DYNC2H1: variants seen among roughly 807,000 people sequenced by gnomAD.
The protein encoded by DYNC2H1 is dynein cytoplasmic 2 heavy chain 1.
In DYNC2H1, 410 loss-of-function variants were observed where a neutral mutation model predicts 570.0. The observed-to-expected ratio is 0.72, with a 90% confidence interval of 0.66 to 0.78. The LOEUF (loss-of-function observed/expected upper bound fraction) is 0.78. DYNC2H1 is among the 30% of genes least tolerant of loss of function. The probability of loss-of-function intolerance (pLI) is 0.00; values close to 1 mark genes in which losing one functional copy is unlikely to be tolerated. For synonymous variants in DYNC2H1, 1,688 were observed against 1,677.6 expected (o/e 1.01, Z -0.15); for missense variants, 4,865 against 5,046.4 (o/e 0.96, Z 1.09).
intron 70 of DYNC2H1, 148 bp downstream of exon 70, chr11:103,260,125 C>A: frequency 2.0e-6 from 1 of 510,200 alleles, no homozygotes; most frequent in Non-Finnish European, 3.3e-6. Flanking sequence ...AACTGGAATG[C>A]CTTATAGCAT....
Position 103,176,221 on chromosome 11 carries a change from A to C in DYNC2H1, c.5675-14A>C, listed in dbSNP as rs1861801567. 1 of 1,460,890 alleles carries C rather than the reference A, an allele frequency of 6.8e-7. No individual in the cohort carries two copies. Among genetic ancestry groups the C allele is most frequent in the African/African-American group, 1.5e-5 (1 of 67,790 alleles). 90.5% of individuals were successfully genotyped at this position (1,460,890 alleles called of 1,614,324 possible). Reference sequence around the variant, plus strand: ...AGTAATAATAAATAATTTTAAAATGAAACTTTTTTCTAGCTAATGAAAGTC... The same window carrying C: ...AGTAATAATAAATAATTTTAAAATGCAACTTTTTTCTAGCTAATGAAAGTC... On this transcript the variant is annotated splice_polypyrimidine_tract_variant and intron_variant, in intron 36 of 88. Transcript: ENST00000375735.
chr11:103,159,158 A>G (rs1860972439), intron 28 of DYNC2H1, 131 bp downstream of exon 28: 2 of 639,884 alleles, frequency 3.1e-6, no homozygotes, highest in Admixed American at 3.2e-5. Context: ...CCTGTACCCA[A>G]AGAATGTACA....
At chr11:103,139,023 G>T (rs1859740663) in intron 17 of DYNC2H1, among the ~76,000 whole-genome samples, 1 of 151,082 alleles carries the variant, frequency 6.6e-6, no homozygotes, top group Non-Finnish European at 1.5e-5. Context: ...AGTATTCTCT[G>T]ATGGTAGTTT....
intron 83 of DYNC2H1, among the ~76,000 whole-genome samples, chr11:103,379,875 A>G (rs561848861): frequency 1.3e-5 from 2 of 152,188 alleles, no homozygotes; most frequent in South Asian, 4.1e-4. Context: ...TAGTACCAAT[A>G]TATTACTTAA....
At chr11:103,269,025 A>G (rs549584704) in intron 70 of DYNC2H1, among the ~76,000 whole-genome samples, 6 of 152,262 alleles carry the variant, frequency 3.9e-5, no homozygotes, top group South Asian at 4.1e-4. Context: ...AAAAATGCAT[A>G]TATTAGGCAA....
intron 83 of DYNC2H1, among the ~76,000 whole-genome samples, chr11:103,381,427 TC>T (rs1397521194): frequency 6.6e-6 from 1 of 151,330 alleles, no homozygotes; most frequent in Non-Finnish European, 1.5e-5. Flanking sequence ...ATATTCAATA[TC>T]TTTTATTTAT....
At chr11:103,218,641 T>C (rs915593941) in intron 55 of DYNC2H1, among the ~76,000 whole-genome samples, 10 of 152,210 alleles carry the variant, frequency 6.6e-5, no homozygotes, top group African/African-American at 2.4e-4. Context: ...ACCATGTGTT[T>C]ATAAAGGAAA....
At position 103,390,385 on chromosome 11, in the gene DYNC2H1, A is replaced by G. The variant is rs568862168; in HGVS notation, c.12157-9278A>G. ...CTCCATCCCTTTATTTTGAGTCTAT[A>G]TGTGTCTCTGCACATGAGATGGGTT... On this transcript the variant is annotated intron_variant, in intron 83 of 88. Transcript: ENST00000375735. Among the ~76,000 whole-genome samples the G allele has an allele frequency of 2.0e-3, 301 of 150,524 alleles. 1 individual carries two copies. Among genetic ancestry groups the G allele is most frequent in the Middle Eastern group, 6.8e-3 (2 of 294 alleles).
chr11:103,358,394 T>C, intron 83 of DYNC2H1, 35 bp downstream of exon 83: 1 of 1,398,994 alleles, frequency 7.1e-7, no homozygotes, highest in Non-Finnish European at 9.9e-7. Flanking sequence ...TTCTTTTGCT[T>C]TTTCTCCCGC....
In DYNC2H1 at chr11:103,154,835, A is replaced by G. The variant is rs190084640; in HGVS notation, c.3573+26A>G. ...GTAAGATTGTTTTATTATTTTGCCA[A>G]TTAAAAACAATGTTTGGAGCTTTCA... On this transcript the variant is annotated intron_variant, in intron 24 of 88. Coordinates refer to ENST00000375735, the MANE Select transcript of DYNC2H1 (RefSeq NM_001377.3). The G allele has an allele frequency of 1.2e-3, 1,861 of 1,492,398 alleles. 3 individuals are homozygous for G. Among genetic ancestry groups the G allele is most frequent in the Non-Finnish European group, 1.5e-3 (1,672 of 1,111,810 alleles). The allele number at this position is 1,492,398 out of a possible 1,614,324, so 92.4% of individuals were successfully genotyped here. A position where few individuals can be genotyped will look rare whatever the true frequency, so the allele number is the denominator to read the frequency against.
intron 55 of DYNC2H1, 31 bp from the exon 56 acceptor site, chr11:103,219,884 T>C: frequency 8.0e-7 from 1 of 1,253,524 alleles, no homozygotes; most frequent in Non-Finnish European, 1.1e-6. Flanking sequence ...GCATTAAAAT[T>C]GATTGGAATG....
chr11:103,209,677 C>A lies in DYNC2H1; in HGVS notation c.8455-199C>A, dbSNP rs1863071256. ...GCTTTTCCCAGTGTGCCATTGCAAT[C>A]AGTTAATGGTTGATGTGTGTCAAAA... is the stretch of plus-strand genomic sequence containing the variant. On this transcript the variant is annotated intron_variant, in intron 52 of 88. Transcript: ENST00000375735. The surrounding 1 kb of genome is among the most constrained non-coding windows in gnomAD (Gnocchi z 4.2). Among the ~76,000 whole-genome samples, 1 of 151,924 alleles carries A rather than the reference C, an allele frequency of 6.6e-6. No individual in the cohort carries two copies. Among genetic ancestry groups the A allele is most frequent in the African/African-American group, 2.4e-5 (1 of 41,408 alleles).
At position 103,147,805 on chromosome 11, in the gene DYNC2H1, C is replaced by G; in HGVS notation, c.2736C>G (p.Cys912Trp). Residue 912 changes from cysteine (C) to tryptophan (W), a missense_variant, in exon 19 of 89, where the codon TGC becomes TGG. Physicochemically the swap from Cys to Trp is radical, Grantham distance 215 (BLOSUM62 -2). Around this residue, in one of 5 missense-constraint regions of DYNC2H1, gnomAD observed 1,936 missense variants for 1,962.1 expected, o/e 0.99. Transcript: ENST00000375735. ...AVKVDCLNIN[C>W]NPVKTVIDDL... ...AGGTAGATTGTTTAAATATTAATTG[C>G]AACCCTGTGAAGACTGTGATTGATG... 6.2e-7 allele frequency: 1 copy of G among 1,609,380 alleles called. No individual in the cohort carries two copies. The highest frequency in any genetic ancestry group is 8.5e-7 in the Non-Finnish European group (1 of 1,178,522).
Position 103,163,147 on chromosome 11 carries a change from G to C in DYNC2H1, c.4611G>C (p.Gln1537His). ...TTGACCCATCTCTGTTCCCTTCACA[G>C]GTAAGGGGGCTTACGTGTAGAAGCT... Reference protein sequence around the residue: ...GAVDPSLFPSQILCLAEQIKF... With the variant: ...GAVDPSLFPSHILCLAEQIKF... The change falls in exon 30 of 89, where the codon CAG becomes CAC. Residue 1537 changes from glutamine to histidine, a missense_variant and splice_region_variant. Coordinates refer to ENST00000375735, the MANE Select transcript of DYNC2H1 (RefSeq NM_001377.3). The surrounding 1 kb of genome is among the most constrained non-coding windows in gnomAD (Gnocchi z 4.6). 6.2e-7 allele frequency: 1 copy of C among 1,608,550 alleles called. No individual in the cohort carries two copies. Among genetic ancestry groups the C allele is most frequent in the Non-Finnish European group, 8.5e-7 (1 of 1,176,706 alleles).
chr11:103,140,451 T>A (rs565809279), intron 17 of DYNC2H1, among the ~76,000 whole-genome samples: 11 of 152,256 alleles, frequency 7.2e-5, no homozygotes, highest in African/African-American at 9.6e-5. Context: ...TAAAGTATTT[T>A]ATTTCTCCTT....
At chr11:103,135,448 T>G in intron 15 of DYNC2H1, 47 bp from the exon 16 acceptor site, 2 of 1,408,002 alleles carry the variant, frequency 1.4e-6, no homozygotes, top group Middle Eastern at 1.8e-4. Flanking sequence ...GAAAAATCCA[T>G]TCTACTGCCT....
chr11:103,234,339 A>G (rs1456652373), intron 61 of DYNC2H1, among the ~76,000 whole-genome samples, 179 bp downstream of exon 61: 1 of 151,978 alleles, frequency 6.6e-6, no homozygotes, highest in Non-Finnish European at 1.5e-5. Context: ...TCTTTATATG[A>G]ATAGATTTTT....
chr11:103,170,855 A>C lies in DYNC2H1; in HGVS notation c.5152-31A>C. The C allele has an allele frequency of 1.4e-6, 2 of 1,397,870 alleles. No homozygotes were observed. Among genetic ancestry groups the C allele is most frequent in the Non-Finnish European group, 1.9e-6 (2 of 1,063,750 alleles). The allele number at this position is 1,397,870 out of a possible 1,614,324, so 86.6% of individuals were successfully genotyped here. ...GTTATGGAGATTTTGATTATTTTTT[A>C]ATGACTATAATTTTTATTGTTGTTT... is the stretch of plus-strand genomic sequence containing the variant. On this transcript the variant is annotated intron_variant, in intron 33 of 88. Transcript: ENST00000375735. This position sits in a 1 kb window ranked among gnomAD's most constrained non-coding sequence, Gnocchi z 4.8.
chr11:103,392,863 C>T (rs772535018), intron 83 of DYNC2H1, among the ~76,000 whole-genome samples: 7 of 149,750 alleles, frequency 4.7e-5, no homozygotes, highest in Non-Finnish European at 8.9e-5. Context: ...ACCCTTCTCT[C>T]ACACTCTTAT....
Sources: allele counts gnomAD v4.1 joint callset (sites outside exome capture counted in the v4.1 genomes callset), GRCh38; gene constraint gnomAD v4.1.1; regional missense constraint gnomAD v4.1.1; non-coding constraint Gnocchi (gnomAD v3.1); transcripts MANE v1.5; gene names NCBI Gene and HGNC (gene_info 2026-07-23, HGNC 2026-07-21).